The following AGBL1 variants were observed in gnomAD, a reference collection of about 807,000 sequenced individuals.
The protein encoded by AGBL1 is AGBL carboxypeptidase 1, also known as cytosolic carboxypeptidase 4.
AGBL1 carries 130 observed loss-of-function variants against 118.9 expected under a neutral mutation model. That is an observed-to-expected ratio of 1.09 (90% CI 0.95 to 1.26). The LOEUF is 1.26. Among genes scored for constraint, AGBL1 ranks in the 50% most tolerant of loss-of-function variants. AGBL1 has a pLI of 0.00. For synonymous variants in AGBL1, 555 were observed against 478.9 expected, an observed-to-expected ratio of 1.16 and a Z score of -2.08; for missense variants, 1,584 against 1,298.1, an observed-to-expected ratio of 1.22 and a Z score of -3.38.
chr15:86,445,166 T>G (rs751638367), intron 18 of AGBL1, among the ~76,000 whole-genome samples: 5 of 152,162 alleles, frequency 3.3e-5, no homozygotes, highest in African/African-American at 4.8e-5. Flanking sequence ...ACACTGGCAC[T>G]CAGCTTGACT....
chr15:86,421,484 C>T (rs369945608), intron 18 of AGBL1, among the ~76,000 whole-genome samples: 1 of 152,180 alleles, frequency 6.6e-6, no homozygotes, highest in East Asian at 1.9e-4. Flanking sequence ...AAACCAGTAC[C>T]AGCCACTGCA....
At chr15:86,408,994 C>A (rs2081574567) in intron 18 of AGBL1, among the ~76,000 whole-genome samples, 1 of 152,126 alleles carries the variant, frequency 6.6e-6, no homozygotes, top group Non-Finnish European at 1.5e-5. Context: ...AATCTCACAG[C>A]TTTTGTTTAC....
chr15:86,222,037 C>A (rs564237663), intron 5 of AGBL1, among the ~76,000 whole-genome samples: 1 of 152,312 alleles, frequency 6.6e-6, no homozygotes, highest in Admixed American at 6.5e-5. Flanking sequence ...CCGCAGGTCT[C>A]CTAGTTCCTC....
chr15:86,451,511 G>T (rs569319719), intron 18 of AGBL1, among the ~76,000 whole-genome samples: 2 of 152,226 alleles, frequency 1.3e-5, no homozygotes, highest in South Asian at 4.2e-4. Context: ...TTTCACCTGT[G>T]GTCACGTGGC....
chr15:87,019,082 A>G (rs1364303646), intron 24 of AGBL1, among the ~76,000 whole-genome samples: 3 of 152,194 alleles, frequency 2.0e-5, no homozygotes, highest in Non-Finnish European at 4.4e-5. Context: ...TATCCTAAAT[A>G]TATATGCACT....
chr15:86,523,018 C>A (rs2083211013), intron 19 of AGBL1, 79 bp downstream of exon 19: 1 of 1,500,246 alleles, frequency 6.7e-7, no homozygotes, highest in East Asian at 2.3e-5. Flanking sequence ...TCTGCCAAGG[C>A]AAGAATAGAC....
chr15:86,936,513 T>C (rs1447231304), intron 23 of AGBL1, among the ~76,000 whole-genome samples: 2 of 152,092 alleles, frequency 1.3e-5, no homozygotes, highest in South Asian at 4.1e-4. Flanking sequence ...ATCAGGACTA[T>C]TAAAATATTT....
At chr15:86,754,927 C>A (rs1029847688) in intron 22 of AGBL1, among the ~76,000 whole-genome samples, 1 of 151,996 alleles carries the variant, frequency 6.6e-6, no homozygotes. Flanking sequence ...CCTTTGCTTT[C>A]GATTTCATTT....
intron 21 of AGBL1, among the ~76,000 whole-genome samples, chr15:86,598,750 C>A (rs1274019761): frequency 6.6e-6 from 1 of 152,072 alleles, no homozygotes; most frequent in African/African-American, 2.4e-5. Context: ...AAGGATATTA[C>A]ATTGAGATGA....
At chr15:86,750,250 T>A (rs556022962) in intron 22 of AGBL1, among the ~76,000 whole-genome samples, 2 of 152,220 alleles carry the variant, frequency 1.3e-5, no homozygotes, top group African/African-American at 2.4e-5. Flanking sequence ...TGTACTTTTT[T>A]ATTTTTAATT....
chr15:86,262,788 T>C lies in AGBL1; in HGVS notation c.980T>C (p.Leu327Ser). ...TEDGKVEDDDLETDVNKLSSK... is the reference protein window; with the variant it reads ...TEDGKVEDDDSETDVNKLSSK... ...ACTATTCCATTTTAGGATGATGACT[T>C]GGAAACAGACGTGAACAAGCTGAGT... is the stretch of plus-strand genomic sequence containing the variant. Residue 327 changes from leucine to serine, a missense_variant, in exon 10 of 23, where the codon TTG (leucine) becomes TCG (serine). Transcript: ENST00000614907. 1.9e-6 allele frequency: 3 copies of C among 1,604,962 alleles called. No homozygotes were observed. The highest frequency in any genetic ancestry group is 2.2e-5 in the South Asian group (2 of 89,212).
At chr15:86,171,737 T>G (rs2077418815) in intron 5 of AGBL1, among the ~76,000 whole-genome samples, 1 of 152,294 alleles carries the variant, frequency 6.6e-6, no homozygotes, top group East Asian at 1.9e-4. Context: ...AGTTACTCAA[T>G]TCTGCTGCAT....
In AGBL1 at chr15:86,907,589, A is replaced by AT. The variant is rs2080298573; in HGVS notation, c.*300dup. 2 of 152,082 alleles carry AT rather than the reference A, an allele frequency of 1.3e-5. No individual in the cohort carries two copies. Among genetic ancestry groups the AT allele is most frequent in the Non-Finnish European group, 2.9e-5 (2 of 68,024 alleles). 9.4% of individuals were successfully genotyped at this position (152,082 alleles called of 1,614,324 possible). A position where few individuals can be genotyped will look rare whatever the true frequency, so the allele number is the denominator to read the frequency against. ...CAAGATTACCATGGATCCTTTCAAG[A>AT]TTTTTCTGAGTTATTCTCCATTCTT... On this transcript the variant is annotated 3_prime_UTR_variant, in exon 23 of 23. Coordinates refer to ENST00000614907, the MANE Select transcript of AGBL1 (RefSeq NM_001386094.1).
intron 17 of AGBL1, among the ~76,000 whole-genome samples, chr15:86,338,207 C>G (rs919667941): frequency 1.8e-4 from 27 of 152,232 alleles, no homozygotes; most frequent in Admixed American, 5.2e-4. Flanking sequence ...ACTTGGAGAA[C>G]TCTTCTTGGC....
At chr15:86,771,136 A>G (rs1470567403) in intron 22 of AGBL1, among the ~76,000 whole-genome samples, 2 of 152,034 alleles carry the variant, frequency 1.3e-5, no homozygotes, top group Non-Finnish European at 1.5e-5. Flanking sequence ...TGCATAAAAG[A>G]TTACGCACCG....
intron 22 of AGBL1, among the ~76,000 whole-genome samples, chr15:86,840,775 T>C (rs1452459): frequency 0.64 from 96,713 of 151,998 alleles, 31,232 homozygotes; most frequent in East Asian, 0.87. Flanking sequence ...GGTATATTAT[T>C]TTATTCTCAT....
intron 22 of AGBL1, among the ~76,000 whole-genome samples, chr15:86,798,322 G>A (rs1383521430): frequency 6.6e-6 from 1 of 152,126 alleles, no homozygotes; most frequent in Non-Finnish European, 1.5e-5. Flanking sequence ...AGCATTAAGT[G>A]AGCTGGGACA....
intron 24 of AGBL1, among the ~76,000 whole-genome samples, chr15:86,991,994 G>A (rs1299116057): frequency 6.6e-6 from 1 of 152,152 alleles, no homozygotes; most frequent in African/African-American, 2.4e-5. Context: ...ACCTGAGGCT[G>A]GGTAGTTTAT....
intron 22 of AGBL1, among the ~76,000 whole-genome samples, chr15:86,785,556 C>A (rs980053065): frequency 1.3e-5 from 2 of 151,796 alleles, no homozygotes; most frequent in South Asian, 2.1e-4. Context: ...TTAGTAGAGA[C>A]GGGGTTTCAC....
Sources: gnomAD v4.1 joint callset for allele counts (sites outside exome capture counted in the v4.1 genomes callset) on GRCh38, gnomAD v4.1.1 for gene constraint, MANE v1.5 for transcripts, NCBI Gene and HGNC (gene_info 2026-07-23, HGNC 2026-07-21) for gene names.